Variants in MADD observed in about 807,000 individuals in gnomAD.
MADD encodes the protein MAP kinase activating death domain.
In MADD, 109 loss-of-function variants were observed where a neutral mutation model predicts 176.7. The observed-to-expected ratio is 0.62, with a 90% CI of 0.53 to 0.72. MADD has a LOEUF of 0.72. Ranked by LOEUF, MADD falls within the 30% of genes least tolerant of loss-of-function variation. MADD has a pLI of 0.00. For synonymous variants in MADD, 771 were observed against 771.3 expected, an observed-to-expected ratio of 1.00 and a Z score of 0.01; for missense variants, 1,914 against 2,045.5, an observed-to-expected ratio of 0.94 and a Z score of 1.24.
chr11:47,318,839 A>G (rs2093788097), intron 27 of MADD, among the ~76,000 whole-genome samples: 1 of 109,398 alleles, frequency 9.1e-6, no homozygotes, highest in Non-Finnish European at 1.7e-5. Flanking sequence ...ACAGAGTCTC[A>G]CTCTGTTGCC....
intron 22 of MADD, among the ~76,000 whole-genome samples, chr11:47,304,934 A>G (rs1353485743): frequency 6.6e-6 from 1 of 152,074 alleles, no homozygotes; most frequent in Non-Finnish European, 1.5e-5. Context: ...TTAGTGTGCC[A>G]GTTGGGAAGG....
At chr11:47,310,372 G>A (rs1422349542) in intron 25 of MADD, among the ~76,000 whole-genome samples, 2 of 150,988 alleles carry the variant, frequency 1.3e-5, no homozygotes, top group Admixed American at 1.3e-4. Flanking sequence ...AGTAGAGACG[G>A]GGTTTCACAA....
Position 47,288,983 on chromosome 11 carries a change from C to T in MADD, c.2654-408C>T. 6.2e-7 allele frequency: 1 copy of T among 1,601,678 alleles called. No homozygotes were observed. Among genetic ancestry groups the T allele is most frequent in the Middle Eastern group, 1.7e-4 (1 of 6,000 alleles). ...TGTGTCCCAGTATTTGGGCTAAATA[C>T]TCTAATGGAGATTGTTACTGAAGCC... On this transcript the variant is annotated intron_variant, in intron 15 of 32. Coordinates refer to ENST00000402192, the Ensembl canonical transcript of MADD.
chr11:47,281,712 C>CATCT lies in MADD; in HGVS notation c.1431_1434dup (p.Gly479LeufsTer4). On this transcript the variant is annotated frameshift_variant, in exon 8 of 33. Coordinates refer to ENST00000402192, the Ensembl canonical transcript of MADD. LOFTEE classifies it high-confidence loss of function. ...CACCGTCCACTGAATTCAACCCACTCATCTATGGCAATGATGTGGATTCTG... is the reference window on the plus strand; with the variant it reads ...CACCGTCCACTGAATTCAACCCACTCATCTATCTATGGCAATGATGTGGATTCTG... 1.2e-6 allele frequency: 2 copies of CATCT among 1,613,054 alleles called. No individual in the cohort carries two copies. Among genetic ancestry groups the CATCT allele is most frequent in the Non-Finnish European group, 1.7e-6 (2 of 1,179,188 alleles).
Position 47,328,723 on chromosome 11 carries a change from C to A in MADD, c.4659+19C>A, listed in dbSNP as rs776408987. The stretch of plus-strand genomic sequence containing the variant: ...ACCAATGGTGAGTGTGCCGCTCAAC[C>A]CTGATGGGCCACGGTGCGCAGGGCT... On this transcript the variant is annotated intron_variant, in intron 32 of 32. Transcript: ENST00000402192. 1.2e-6 allele frequency: 2 copies of A among 1,614,100 alleles called. No homozygotes were observed. The highest frequency in any genetic ancestry group is 1.7e-6 in the Non-Finnish European group (2 of 1,179,988).
exon 10 of MADD, chr11:47,282,824 C>T (rs1565321490): frequency 6.2e-7 from 1 of 1,613,982 alleles, no homozygotes. Context: ...TATGTTTGAT[C>T]CAGCCCTGAT....
chr11:47,282,569 A>G, exon 9 of MADD: 1 of 1,614,210 alleles, frequency 6.2e-7, no homozygotes, highest in Non-Finnish European at 8.5e-7. Context: ...TACTTTGGGG[A>G]ATGGATCCTT....
chr11:47,320,158 T>A (rs1475330782), intron 27 of MADD, among the ~76,000 whole-genome samples: 4 of 151,766 alleles, frequency 2.6e-5, no homozygotes, highest in African/African-American at 4.8e-5. Flanking sequence ...CACTATTTTT[T>A]AAAAAAATAT....
chr11:47,329,328 G>A, exon 33 of MADD: 1 of 602,428 alleles, frequency 1.7e-6, no homozygotes, highest in South Asian at 1.9e-5. Flanking sequence ...TCTTGAGCGT[G>A]TCCACCTTCT....
At chr11:47,318,742 A>G (rs1177904890) in intron 27 of MADD, among the ~76,000 whole-genome samples, 1 of 148,320 alleles carries the variant, frequency 6.7e-6, no homozygotes, top group Non-Finnish European at 1.5e-5. Context: ...AGCCTTTCTC[A>G]GAGCATAGCC....
chr11:47,275,125 G>A (rs1207934181), exon 3 of MADD: 2 of 1,613,858 alleles, frequency 1.2e-6, no homozygotes, highest in Admixed American at 1.7e-5. Flanking sequence ...GCGCCTTCTG[G>A]GCAAGAAACT....
At chr11:47,283,052 C>G in intron 10 of MADD, 83 bp downstream of exon 10, 2 of 1,225,792 alleles carry the variant, frequency 1.6e-6, no homozygotes, top group Non-Finnish European at 2.2e-6. Flanking sequence ...AAGGCAAAGT[C>G]TCATAGGCTT....
At chr11:47,291,797 C>T (rs1187053418) in intron 19 of MADD, among the ~76,000 whole-genome samples, 8 of 152,210 alleles carry the variant, frequency 5.3e-5, no homozygotes, top group African/African-American at 1.9e-4. Context: ...TCTGTCTCTT[C>T]ATCTGGGAAA....
At chr11:47,270,791 C>G (rs941563130) in intron 1 of MADD, 1 of 152,556 alleles carries the variant, frequency 6.6e-6, no homozygotes, top group South Asian at 2.1e-4. Flanking sequence ...CCTGCCCTCC[C>G]CTCTACCCCA....
At chr11:47,279,037 G>T (rs749614247) in exon 7 of MADD, 1 of 1,613,992 alleles carries the variant, frequency 6.2e-7, no homozygotes, top group Non-Finnish European at 8.5e-7. Context: ...TGCCTATCCT[G>T]CCAGAACCAG....
chr11:47,296,167 G>A (rs1247055481), intron 22 of MADD, 112 bp downstream of exon 24: 2 of 1,246,402 alleles, frequency 1.6e-6, no homozygotes, highest in Non-Finnish European at 2.2e-6. Flanking sequence ...AAATAAGGAA[G>A]AGGTAATCTT....
At chr11:47,275,773 A>T in intron 3 of MADD, 126 bp from the exon 4 acceptor site, 1 of 907,250 alleles carries the variant, frequency 1.1e-6, no homozygotes, top group Non-Finnish European at 1.7e-6. Flanking sequence ...GAGCTCAGAG[A>T]CTGGGCTTTC....
At chr11:47,299,612 T>C (rs1484275736) in intron 22 of MADD, among the ~76,000 whole-genome samples, 65 of 56,670 alleles carry the variant, frequency 1.1e-3, no homozygotes, top group Admixed American at 1.5e-3. Flanking sequence ...TTTTTTTTTT[T>C]AGATGGAACC....
chr11:47,298,094 A>C (rs1416281919), intron 22 of MADD, among the ~76,000 whole-genome samples: 1 of 152,096 alleles, frequency 6.6e-6, no homozygotes, highest in African/African-American at 2.4e-5. Flanking sequence ...GGCCTTCTTT[A>C]CATATTAGTT....
Sources: allele counts gnomAD v4.1 joint callset (sites outside exome capture counted in the v4.1 genomes callset), GRCh38; gene constraint gnomAD v4.1.1; transcripts MANE v1.5; gene names NCBI Gene and HGNC (gene_info 2026-07-23, HGNC 2026-07-21).